PRKN: variants seen among roughly 807,000 people sequenced by gnomAD.
PRKN encodes the protein parkin RBR E3 ubiquitin protein ligase, also known as E3 ubiquitin-protein ligase parkin.
PRKN carries 56 observed loss-of-function variants against 59.5 expected under a neutral mutation model. That is an observed-to-expected ratio of 0.94 (90% CI 0.76 to 1.18). PRKN has a LOEUF of 1.18. PRKN is among the 50% of genes most tolerant of loss of function. PRKN has a pLI of 0.00. For synonymous variants in PRKN, 250 were observed against 222.1 expected, an observed-to-expected ratio of 1.13 and a Z score of -1.12; for missense variants, 657 against 596.4, an observed-to-expected ratio of 1.10 and a Z score of -1.06.
intron 7 of PRKN, among the ~76,000 whole-genome samples, chr6:161,647,173 G>C (rs1018845442): frequency 6.6e-6 from 1 of 152,118 alleles, no homozygotes; most frequent in Non-Finnish European, 1.5e-5. Flanking sequence ...GTGATTCACC[G>C]AACCCTTCCC....
At position 162,032,093 on chromosome 6, in the gene PRKN, G is replaced by A. The variant is rs553103345; in HGVS notation, c.618+21998C>T. Among the ~76,000 whole-genome samples the A allele has an allele frequency of 2.0e-5, 3 of 152,224 alleles. No homozygotes were observed. In the South Asian group the frequency reaches 6.2e-4, roughly 32 times the overall value. ...CTCATAACAGCTTGCTACTAATGCTGCAAGGTTTTCAAACAGCTTTAGCCG... is the reference window on the plus strand; with the variant it reads ...CTCATAACAGCTTGCTACTAATGCTACAAGGTTTTCAAACAGCTTTAGCCG... On this transcript the variant is annotated intron_variant, in intron 5 of 11. Transcript: ENST00000366898.
At chr6:161,736,495 G>A (rs990853987) in intron 7 of PRKN, among the ~76,000 whole-genome samples, 1 of 152,204 alleles carries the variant, frequency 6.6e-6, no homozygotes, top group Non-Finnish European at 1.5e-5. Context: ...TGTCTGAGAA[G>A]AGGGAGTTGC....
intron 3 of PRKN, among the ~76,000 whole-genome samples, chr6:162,212,832 G>T (rs1785265243): frequency 6.6e-6 from 1 of 152,138 alleles, no homozygotes; most frequent in Non-Finnish European, 1.5e-5. Flanking sequence ...GAATACTGCA[G>T]GCAGTAACTG....
intron 1 of PRKN, chr6:162,569,560 G>A: frequency 1.4e-6 from 1 of 718,840 alleles, no homozygotes; most frequent in African/African-American, 1.7e-5. Flanking sequence ...TGGCCTATGG[G>A]GGTCTCACAA....
intron 3 of PRKN, among the ~76,000 whole-genome samples, chr6:162,233,876 A>T (rs2128087163): frequency 6.6e-6 from 1 of 152,318 alleles, no homozygotes; most frequent in Non-Finnish European, 1.5e-5. Context: ...AGGCAGCAAG[A>T]AGGCCCTCAC....
chr6:161,872,049 G>A (rs1332149034), intron 6 of PRKN, among the ~76,000 whole-genome samples: 1 of 152,096 alleles, frequency 6.6e-6, no homozygotes, highest in Non-Finnish European at 1.5e-5. Flanking sequence ...ACTTTTGCCA[G>A]GTGTTCTTGC....
chr6:161,798,767 T>G (rs1381814235), intron 6 of PRKN, among the ~76,000 whole-genome samples: 5 of 152,196 alleles, frequency 3.3e-5, no homozygotes, highest in African/African-American at 9.7e-5. Context: ...GCTTTTAGTT[T>G]TAAGGCTCCT....
intron 4 of PRKN, among the ~76,000 whole-genome samples, chr6:162,181,865 A>C (rs1783817370): frequency 6.6e-6 from 1 of 152,176 alleles, no homozygotes; most frequent in Non-Finnish European, 1.5e-5. Context: ...GAGGTTCTGA[A>C]AGGTTAAGGA....
At chr6:162,227,057 C>T (rs1173159944) in intron 3 of PRKN, among the ~76,000 whole-genome samples, 1 of 152,204 alleles carries the variant, frequency 6.6e-6, no homozygotes. Flanking sequence ...TGTCATACAG[C>T]AGGAGGAGCA....
At chr6:162,403,852 G>T (rs1306219949) in intron 2 of PRKN, among the ~76,000 whole-genome samples, 1 of 152,074 alleles carries the variant, frequency 6.6e-6, no homozygotes, top group Non-Finnish European at 1.5e-5. Context: ...CAGGGAAATG[G>T]GTCCAGGTGG....
At chr6:162,307,251 T>C (rs1237865384) in intron 2 of PRKN, among the ~76,000 whole-genome samples, 1 of 151,852 alleles carries the variant, frequency 6.6e-6, no homozygotes, top group South Asian at 2.1e-4. Flanking sequence ...AATACAAAAA[T>C]TAGCCAGTCA....
chr6:162,393,890 T>A (rs1787344886), intron 2 of PRKN, among the ~76,000 whole-genome samples: 1 of 152,194 alleles, frequency 6.6e-6, no homozygotes, highest in African/African-American at 2.4e-5. Flanking sequence ...GTAGCTCAAA[T>A]AAAATTTTGG....
chr6:161,454,104 T>G lies in PRKN; in HGVS notation c.1084-67227A>C, dbSNP rs1381194419. Reference sequence around the variant, plus strand: ...ACCACACATGGTTTCTTTTTATTTCTTTCTTTCTGAGATGGAAGGAAACCT... The same window carrying G: ...ACCACACATGGTTTCTTTTTATTTCGTTCTTTCTGAGATGGAAGGAAACCT... On this transcript the variant is annotated intron_variant, in intron 9 of 11. Coordinates refer to ENST00000366898, the MANE Select transcript of PRKN (RefSeq NM_004562.3). The surrounding 1 kb of genome is among the most constrained non-coding windows in gnomAD (Gnocchi z 4.6). Among the ~76,000 whole-genome samples, 2 of 152,174 alleles carry G rather than the reference T, an allele frequency of 1.3e-5. No individual in the cohort carries two copies. The highest frequency in any genetic ancestry group is 4.8e-5 in the African/African-American group (2 of 41,444).
intron 2 of PRKN, among the ~76,000 whole-genome samples, chr6:162,405,582 A>G (rs1317415190): frequency 6.6e-6 from 1 of 152,128 alleles, no homozygotes; most frequent in Non-Finnish European, 1.5e-5. Flanking sequence ...AAACTCAGAT[A>G]CCTCAGAATG....
chr6:161,506,893 T>A (rs1778194424), intron 9 of PRKN, among the ~76,000 whole-genome samples: 2 of 152,122 alleles, frequency 1.3e-5, no homozygotes, highest in Non-Finnish European at 1.5e-5. Flanking sequence ...ATTAACAAAC[T>A]GTAACCCATT....
chr6:161,704,739 G>A (rs555477389), intron 7 of PRKN, among the ~76,000 whole-genome samples: 3 of 152,206 alleles, frequency 2.0e-5, no homozygotes, highest in South Asian at 2.1e-4. Context: ...CTGACTTCCC[G>A]ACTGTATCCC....
chr6:161,533,805 G>C lies in PRKN; in HGVS notation c.1083+15049C>G, dbSNP rs1583199033. Among the ~76,000 whole-genome samples the C allele has an allele frequency of 3.3e-5, 5 of 151,478 alleles. 1 individual carries two copies. Among genetic ancestry groups the C allele is most frequent in the Admixed American group, 3.3e-4 (5 of 15,250 alleles). ...CACTCCTTAACCCACCCACGTGTCT[G>C]TGTACTTAATTTTCTTGGCGTGAGA... On this transcript the variant is annotated intron_variant, in intron 9 of 11. Transcript: ENST00000366898. This position sits in a 1 kb window ranked among gnomAD's most constrained non-coding sequence, Gnocchi z 4.1.
At chr6:162,040,818 T>C (rs889222122) in intron 5 of PRKN, among the ~76,000 whole-genome samples, 1 of 151,884 alleles carries the variant, frequency 6.6e-6, no homozygotes, top group African/African-American at 2.4e-5. Flanking sequence ...GTCAAGTTAG[T>C]GGGGAGCTGC....
chr6:161,563,251 T>C (rs1318590859), intron 8 of PRKN, among the ~76,000 whole-genome samples: 1 of 152,142 alleles, frequency 6.6e-6, no homozygotes, highest in African/African-American at 2.4e-5. Context: ...GACTTCCTCA[T>C]TTACTATTTT....
Sources: gnomAD v4.1 joint callset for allele counts (sites outside exome capture counted in the v4.1 genomes callset) on GRCh38, gnomAD v4.1.1 for gene constraint, Gnocchi (gnomAD v3.1) non-coding constraint, MANE v1.5 for transcripts, NCBI Gene and HGNC (gene_info 2026-07-23, HGNC 2026-07-21) for gene names.